Variants in HEMK2 observed in about 807,000 individuals in gnomAD.
The protein encoded by HEMK2 is methyltransferase HEMK2.
chr21:28,661,563 A>AATAT, the HEMK2 span, among the ~76,000 whole-genome samples: 5 of 149,962 alleles, frequency 3.3e-5, no homozygotes, highest in African/African-American at 1.2e-4. Flanking sequence ...TATGTATGCA[A>AATAT]ATATATATAT....
At chr21:28,674,904 T>A in the HEMK2 span, 3 of 152,152 alleles carry the variant, frequency 2.0e-5, no homozygotes, top group African/African-American at 7.2e-5. Context: ...ATCCCACCCA[T>A]GAAAGTGGAG....
chr21:28,673,926 C>G, the HEMK2 span, among the ~76,000 whole-genome samples: 1 of 152,130 alleles, frequency 6.6e-6, no homozygotes, highest in Non-Finnish European at 1.5e-5. Context: ...GCATTTGAAC[C>G]AGAGCAACTC....
the HEMK2 span, among the ~76,000 whole-genome samples, chr21:28,831,462 C>A: frequency 0.3 from 7,197 of 23,666 alleles, 1,574 homozygotes; most frequent in African/African-American, 0.41. Flanking sequence ...AAGAAAAGAA[C>A]GAAAGAAAGA....
chr21:28,678,437 C>G, the HEMK2 span, among the ~76,000 whole-genome samples: 1 of 152,110 alleles, frequency 6.6e-6, no homozygotes, highest in South Asian at 2.1e-4. Context: ...CTGAAACTGA[C>G]GGGGAGAATG....
chr21:28,703,321 T>TAA, the HEMK2 span, among the ~76,000 whole-genome samples: 139 of 148,472 alleles, frequency 9.4e-4, no homozygotes, highest in East Asian at 1.8e-3. Flanking sequence ...AAATAAAAGT[T>TAA]AAAAAAAAAA....
the HEMK2 span, among the ~76,000 whole-genome samples, chr21:28,756,994 T>C: frequency 6.6e-6 from 1 of 152,230 alleles, no homozygotes; most frequent in African/African-American, 2.4e-5. Context: ...AGTTTCATCA[T>C]GTTGTACATG....
chr21:28,796,729 T>A, the HEMK2 span, among the ~76,000 whole-genome samples: 9 of 152,000 alleles, frequency 5.9e-5, no homozygotes, highest in African/African-American at 1.9e-4. Flanking sequence ...TATACTCAGC[T>A]AATTTTTATT....
the HEMK2 span, among the ~76,000 whole-genome samples, chr21:28,760,649 T>A: frequency 6.6e-6 from 1 of 152,208 alleles, no homozygotes; most frequent in African/African-American, 2.4e-5. Context: ...ACTTTCCGTA[T>A]CATTCTTTAT....
At chr21:28,602,805 T>C in the HEMK2 span, among the ~76,000 whole-genome samples, 14 of 152,336 alleles carry the variant, frequency 9.2e-5, no homozygotes, top group East Asian at 1.5e-3. Context: ...AGCCACCATA[T>C]TGAGGTAGCC....
the HEMK2 span, among the ~76,000 whole-genome samples, chr21:28,860,501 A>G: frequency 6.7e-6 from 1 of 149,948 alleles, no homozygotes; most frequent in Non-Finnish European, 1.5e-5. Flanking sequence ...ATATATGTAT[A>G]TATAGAACAA....
chr21:28,715,445 T>G, the HEMK2 span, among the ~76,000 whole-genome samples: 81,596 of 152,008 alleles, frequency 0.54, 23,911 homozygotes, highest in East Asian at 0.84. Context: ...ATACCTCATT[T>G]TAAGAAGTGT....
At chr21:28,615,451 A>G in the HEMK2 span, among the ~76,000 whole-genome samples, 1 of 151,248 alleles carries the variant, frequency 6.6e-6, no homozygotes, top group South Asian at 2.1e-4. Flanking sequence ...GAGAATGATA[A>G]TGAGATTAGA....
the HEMK2 span, among the ~76,000 whole-genome samples, chr21:28,800,938 C>T: frequency 6.6e-6 from 1 of 152,186 alleles, no homozygotes; most frequent in Non-Finnish European, 1.5e-5. Context: ...TCATCTCATA[C>T]AGCCTCTTCC....
chr21:28,581,126 T>TG, the HEMK2 span, among the ~76,000 whole-genome samples: 2 of 152,132 alleles, frequency 1.3e-5, no homozygotes, highest in African/African-American at 2.4e-5. Flanking sequence ...CACTGTGCAC[T>TG]GGTTACTACC....
the HEMK2 span, among the ~76,000 whole-genome samples, chr21:28,723,442 C>A: frequency 6.6e-6 from 1 of 152,168 alleles, no homozygotes; most frequent in Admixed American, 6.5e-5. Context: ...GCATCACCAG[C>A]CTGGGACTCA....
At chr21:28,676,502 T>C in the HEMK2 span, among the ~76,000 whole-genome samples, 38 of 152,156 alleles carry the variant, frequency 2.5e-4, no homozygotes, top group African/African-American at 8.9e-4. Context: ...AATATCATCA[T>C]CTTGAAATCC....
chr21:28,651,695 C>G, the HEMK2 span, among the ~76,000 whole-genome samples: 1 of 152,134 alleles, frequency 6.6e-6, no homozygotes, highest in African/African-American at 2.4e-5. Flanking sequence ...ACTTTGTTTT[C>G]CTTGGAATCT....
chr21:28,719,749 C>G, the HEMK2 span, among the ~76,000 whole-genome samples: 5 of 152,328 alleles, frequency 3.3e-5, no homozygotes, highest in African/African-American at 1.2e-4. Flanking sequence ...GCTGCCCACC[C>G]AAATACACGG....
At chr21:28,613,081 T>C in the HEMK2 span, among the ~76,000 whole-genome samples, 1 of 150,372 alleles carries the variant, frequency 6.7e-6, no homozygotes, top group Non-Finnish European at 1.5e-5. Flanking sequence ...ATGTGATAGA[T>C]AGATAGATAG....
Sources: allele counts gnomAD v4.1 joint callset (sites outside exome capture counted in the v4.1 genomes callset), GRCh38; gene constraint gnomAD v4.1.1; transcripts MANE v1.5; gene names NCBI Gene and HGNC (gene_info 2026-07-23, HGNC 2026-07-21).